Variants in BRD10 observed in about 807,000 individuals in gnomAD.
BRD10 encodes uncharacterized bromodomain-containing protein 10.
At chr9:5,924,780 T>C in the BRD10 span, 2 of 1,600,252 alleles carry the variant, frequency 1.2e-6, no homozygotes, top group Non-Finnish European at 1.7e-6. Flanking sequence ...GGTCCATAGT[T>C]CTCTATTAAA....
chr9:5,901,769 G>T, the BRD10 span, among the ~76,000 whole-genome samples: 4 of 151,728 alleles, frequency 2.6e-5, no homozygotes, highest in Non-Finnish European at 5.9e-5. Flanking sequence ...CAATCCACCT[G>T]CCTCAGCCTC....
chr9:5,920,293 T>C, the BRD10 span: 5 of 1,613,984 alleles, frequency 3.1e-6, no homozygotes, highest in Non-Finnish European at 4.2e-6. Flanking sequence ...CAAGACCTTG[T>C]GGTGGAACAA....
At chr9:5,901,397 G>A in the BRD10 span, among the ~76,000 whole-genome samples, 366 of 152,128 alleles carry the variant, frequency 2.4e-3, 6 homozygotes, top group East Asian at 0.023. Context: ...TTTATCCCTC[G>A]TTTATTGAGA....
the BRD10 span, among the ~76,000 whole-genome samples, chr9:5,935,293 T>C: frequency 6.6e-6 from 1 of 152,202 alleles, no homozygotes; most frequent in Non-Finnish European, 1.5e-5. Context: ...TTCCATTATA[T>C]TTCTAAATTA....
chr9:5,951,352 A>C, the BRD10 span, among the ~76,000 whole-genome samples: 1 of 151,860 alleles, frequency 6.6e-6, no homozygotes, highest in East Asian at 1.9e-4. Context: ...TTCACAATTT[A>C]ACCCTTTCAT....
chr9:5,970,189 T>C, the BRD10 span, among the ~76,000 whole-genome samples: 1 of 152,046 alleles, frequency 6.6e-6, no homozygotes, highest in African/African-American at 2.4e-5. Flanking sequence ...TTAACTCGAG[T>C]TTTATATAAG....
the BRD10 span, chr9:6,007,295 G>C: frequency 6.2e-7 from 1 of 1,613,876 alleles, no homozygotes; most frequent in South Asian, 1.1e-5. Context: ...CACGTCTCCA[G>C]CATCAACCTG....
At chr9:5,991,180 GTATA>G in the BRD10 span, among the ~76,000 whole-genome samples, 1,225 of 150,320 alleles carry the variant, frequency 8.1e-3, 8 homozygotes, top group Non-Finnish European at 0.012. Flanking sequence ...GTGTGTGTGT[GTATA>G]TATATATATA....
At chr9:5,972,062 T>C in the BRD10 span, among the ~76,000 whole-genome samples, 9 of 152,272 alleles carry the variant, frequency 5.9e-5, no homozygotes, top group African/African-American at 1.9e-4. Flanking sequence ...GTCAGGTACA[T>C]GAACAACAAC....
chr9:5,919,286 A>G, the BRD10 span: 78 of 155,310 alleles, frequency 5.0e-4, no homozygotes, highest in Non-Finnish European at 9.3e-4. Context: ...AGATTTCACT[A>G]ATGACACTGA....
Sources: gnomAD v4.1 joint callset for allele counts (sites outside exome capture counted in the v4.1 genomes callset) on GRCh38, gnomAD v4.1.1 for gene constraint, MANE v1.5 for transcripts, NCBI Gene and HGNC (gene_info 2026-07-23, HGNC 2026-07-21) for gene names.